The following SNTG1 variants were observed in gnomAD, a reference collection of about 807,000 sequenced individuals.
SNTG1 encodes the protein syntrophin gamma 1.
In SNTG1, 39 loss-of-function variants were observed where a neutral mutation model predicts 74.7. The observed-to-expected ratio is 0.52, with a 90% CI of 0.40 to 0.68. SNTG1 has a LOEUF of 0.68. SNTG1 is among the 30% of genes least tolerant of loss of function. SNTG1 has a pLI of 0.00. For missense variants in SNTG1, 685 were observed against 609.5 expected (o/e 1.12, Z -1.30); for synonymous variants, 254 against 217.1 (o/e 1.17, Z -1.49).
At chr8:50,505,367 G>T (rs1366860192) in intron 9 of SNTG1, among the ~76,000 whole-genome samples, 7 of 152,058 alleles carry the variant, frequency 4.6e-5, no homozygotes, top group Middle Eastern at 3.2e-3. Context: ...GGGATTCCTG[G>T]ATCATATGTT....
chr8:50,592,459 T>A (rs1248477746), intron 13 of SNTG1, among the ~76,000 whole-genome samples: 1 of 152,196 alleles, frequency 6.6e-6, no homozygotes, highest in Non-Finnish European at 1.5e-5. Context: ...CTGTAATCAA[T>A]GACAACTACA....
chr8:50,210,141 A>T (rs1339120715), intron 2 of SNTG1, among the ~76,000 whole-genome samples: 1 of 152,234 alleles, frequency 6.6e-6, no homozygotes, highest in African/African-American at 2.4e-5. Flanking sequence ...ATTGAAGATC[A>T]AATGAATGAA....
chr8:50,471,375 A>G, intron 8 of SNTG1, among the ~76,000 whole-genome samples: 1 of 152,248 alleles, frequency 6.6e-6, no homozygotes, highest in South Asian at 2.1e-4. Context: ...ATCTATGTAT[A>G]ATACTACATA....
At chr8:50,089,755 C>G (rs1349895585) in intron 1 of SNTG1, among the ~76,000 whole-genome samples, 1 of 152,070 alleles carries the variant, frequency 6.6e-6, no homozygotes, top group African/African-American at 2.4e-5. Context: ...AGTCAGGAAA[C>G]AACAGGTGCT....
Position 50,422,333 on chromosome 8 carries a change from G to GGT in SNTG1, c.163-16210_163-16209insGT, listed in dbSNP as rs2093101531. On this transcript the variant is annotated intron_variant, in intron 4 of 18. Coordinates refer to ENST00000642720, the MANE Select transcript of SNTG1 (RefSeq NM_018967.5). ...AATTGATTGACCAAGTAGACAAAAA[G>GGT]ATATATAGAAGGACTCAGAAACATT... 1.3e-4 allele frequency among the ~76,000 whole-genome samples: 3 copies of GGT among 23,746 alleles called. No homozygotes were observed. In the Non-Finnish European group the frequency reaches 4.3e-3, roughly 34 times the overall value. 15.6% of individuals were successfully genotyped at this position (23,746 alleles called of 152,430 possible).
In SNTG1 at chr8:50,271,514, T is replaced by C. The variant is rs1407746505; in HGVS notation, c.-28+98879T>C. On this transcript the variant is annotated intron_variant, in intron 2 of 18. Coordinates refer to ENST00000642720, the MANE Select transcript of SNTG1 (RefSeq NM_018967.5). Reference sequence around the variant, plus strand: ...TAATGGGCTGTAGCTTTTTAAGCTGTTTTTGTGGCTGATTAAATTTATAAG... The same window carrying C: ...TAATGGGCTGTAGCTTTTTAAGCTGCTTTTGTGGCTGATTAAATTTATAAG... Among the ~76,000 whole-genome samples, 4 of 152,192 alleles carry C rather than the reference T, an allele frequency of 2.6e-5. No individual in the cohort carries two copies. In the East Asian group the frequency reaches 5.8e-4, roughly 22 times the overall value.
At chr8:50,353,048 A>G (rs973864786) in intron 2 of SNTG1, among the ~76,000 whole-genome samples, 2 of 152,148 alleles carry the variant, frequency 1.3e-5, no homozygotes, top group Non-Finnish European at 2.9e-5. Flanking sequence ...AATGTGGCAC[A>G]TATACACCAT....
chr8:50,623,685 A>T (rs1477019259), intron 13 of SNTG1, among the ~76,000 whole-genome samples: 1 of 151,106 alleles, frequency 6.6e-6, no homozygotes, highest in Non-Finnish European at 1.5e-5. Flanking sequence ...AAGTATTTGA[A>T]AATATTTGTT....
At chr8:50,628,770 T>TTTAC (rs145056764) in intron 13 of SNTG1, among the ~76,000 whole-genome samples, 6,545 of 152,254 alleles carry the variant, frequency 0.043, 246 homozygotes, top group African/African-American at 0.095. Context: ...TTTTTGCTTG[T>TTTAC]TTACTTTATT....
At chr8:50,629,511 T>G (rs376441601) in intron 13 of SNTG1, among the ~76,000 whole-genome samples, 6 of 152,036 alleles carry the variant, frequency 3.9e-5, no homozygotes, top group African/African-American at 9.7e-5. Context: ...CTGTCCATAC[T>G]CAGTTAATTG....
intron 2 of SNTG1, among the ~76,000 whole-genome samples, chr8:50,284,313 T>C (rs1457335906): frequency 6.6e-6 from 1 of 151,546 alleles, no homozygotes; most frequent in Admixed American, 6.6e-5. Flanking sequence ...ATGAATAGAT[T>C]GAGATTATAA....
intron 13 of SNTG1, among the ~76,000 whole-genome samples, chr8:50,593,670 T>G (rs1168382535): frequency 6.6e-6 from 1 of 152,010 alleles, no homozygotes. Flanking sequence ...TCTATGCATC[T>G]GGAACACATT....
intron 1 of SNTG1, among the ~76,000 whole-genome samples, chr8:50,152,132 G>T (rs2082089552): frequency 1.3e-5 from 2 of 152,230 alleles, no homozygotes; most frequent in Middle Eastern, 3.4e-3. Flanking sequence ...AACTCTTCTT[G>T]TCGAATTTCT....
At chr8:50,101,786 C>T (rs2080137229) in intron 1 of SNTG1, among the ~76,000 whole-genome samples, 1 of 152,002 alleles carries the variant, frequency 6.6e-6, no homozygotes, top group Non-Finnish European at 1.5e-5. Context: ...TCAATTCCCA[C>T]CTATGAGTGA....
At chr8:50,322,117 T>C (rs2090556459) in intron 2 of SNTG1, among the ~76,000 whole-genome samples, 1 of 152,028 alleles carries the variant, frequency 6.6e-6, no homozygotes, top group African/African-American at 2.4e-5. Context: ...ATTTCTTCTT[T>C]TTTTTATTAT....
intron 1 of SNTG1, among the ~76,000 whole-genome samples, chr8:49,968,422 T>A (rs1398548244): frequency 6.6e-6 from 1 of 151,984 alleles, no homozygotes; most frequent in East Asian, 1.9e-4. Flanking sequence ...GCAAAAATAT[T>A]TTACCCATTA....
rs1445935067 is a variant in SNTG1, at chr8:50,089,289, A to T, written c.-102-83272A>T. 7.2e-5 allele frequency among the ~76,000 whole-genome samples: 11 copies of T among 152,190 alleles called. 1 individual carries two copies. Among genetic ancestry groups the T allele is most frequent in the African/African-American group, 2.4e-4 (10 of 41,534 alleles). On this transcript the variant is annotated intron_variant, in intron 1 of 18. Transcript: ENST00000642720. The stretch of plus-strand genomic sequence containing the variant: ...ATTAAAGATTTAAACGTTAGACCTA[A>T]AACCATAAAAACCCTAGAAGAAAAC...
At chr8:50,632,162 A>G (rs2095003170) in intron 13 of SNTG1, among the ~76,000 whole-genome samples, 1 of 152,136 alleles carries the variant, frequency 6.6e-6, no homozygotes, top group South Asian at 2.1e-4. Flanking sequence ...TGTCAAGTAC[A>G]TTATATTTAT....
intron 1 of SNTG1, among the ~76,000 whole-genome samples, chr8:50,076,557 A>C (rs542257352): frequency 3.9e-5 from 6 of 152,190 alleles, no homozygotes; most frequent in Non-Finnish European, 8.8e-5. Flanking sequence ...ATCAAGAGAT[A>C]GAAGCTAATA....
Sources: gnomAD v4.1 joint callset for allele counts (sites outside exome capture counted in the v4.1 genomes callset) on GRCh38, gnomAD v4.1.1 for gene constraint, MANE v1.5 for transcripts, NCBI Gene and HGNC (gene_info 2026-07-23, HGNC 2026-07-21) for gene names.